The following TMED3 variants were observed in gnomAD, a reference collection of about 807,000 sequenced individuals.
TMED3 encodes transmembrane emp24 domain-containing protein 3.
A neutral mutation model predicts 15.0 loss-of-function variants in TMED3; 9 were observed. That is an observed-to-expected ratio of 0.60 (90% CI 0.36 to 1.04). The LOEUF (loss-of-function observed/expected upper bound fraction) is 1.04, where lower values mean the gene tolerates loss of function less well. TMED3 is among the 50% of genes least tolerant of loss of function. The pLI, the probability that TMED3 is intolerant of heterozygous loss-of-function variation, is 0.01. For synonymous variants in TMED3, 117 were observed against 121.4 expected, an observed-to-expected ratio of 0.96 and a Z score of 0.24; for missense variants, 267 against 278.9, an observed-to-expected ratio of 0.96 and a Z score of 0.30.
At chr15:79,399,420 G>T (rs1893805819) in intron 2 of TMED3, among the ~76,000 whole-genome samples, 2 of 152,138 alleles carry the variant, frequency 1.3e-5, no homozygotes, top group Non-Finnish European at 2.9e-5. Flanking sequence ...ATCATTGTTT[G>T]TGTGAGTCCA....
chr15:79,337,681 C>T (rs557208573), intron 2 of TMED3, among the ~76,000 whole-genome samples: 2 of 152,322 alleles, frequency 1.3e-5, no homozygotes, highest in East Asian at 3.9e-4. Flanking sequence ...TCAGCAGGAA[C>T]GTGCACAGAA....
At chr15:79,324,757 C>T (rs890125098), downstream of TMED3, among the ~76,000 whole-genome samples, 15 of 152,114 alleles carry the variant, frequency 9.9e-5, no homozygotes, top group Non-Finnish European at 1.0e-4. Flanking sequence ...TGGAGAGACT[C>T]GTTGACATCT....
chr15:79,316,213 C>T (rs2058739763), intron 2 of TMED3, among the ~76,000 whole-genome samples: 1 of 152,192 alleles, frequency 6.6e-6, no homozygotes, highest in African/African-American at 2.4e-5. Flanking sequence ...TCCATAGTGA[C>T]CAGGGCCCAG....
At chr15:79,397,766 T>G (rs1299219114) in intron 2 of TMED3, among the ~76,000 whole-genome samples, 1 of 152,214 alleles carries the variant, frequency 6.6e-6, no homozygotes, top group Non-Finnish European at 1.5e-5. Flanking sequence ...AGAGGCAGCA[T>G]TAAGAGTTCT....
At chr15:79,318,566 A>G (rs2058750798) in intron 2 of TMED3, among the ~76,000 whole-genome samples, 1 of 152,206 alleles carries the variant, frequency 6.6e-6, no homozygotes, top group African/African-American at 2.4e-5. Flanking sequence ...TTGTGTTACC[A>G]AGTCTGCCTG....
intron 2 of TMED3, among the ~76,000 whole-genome samples, chr15:79,334,760 A>G (rs192556149): frequency 6.6e-6 from 1 of 152,254 alleles, no homozygotes; most frequent in Non-Finnish European, 1.5e-5. Flanking sequence ...CAAACAGTGC[A>G]CACATTTTTT....
At chr15:79,391,902 C>T (rs1032027794) in intron 2 of TMED3, among the ~76,000 whole-genome samples, 1 of 151,986 alleles carries the variant, frequency 6.6e-6, no homozygotes, top group African/African-American at 2.4e-5. Context: ...GAATTGCTAC[C>T]CCTGCTTACT....
intron 2 of TMED3, among the ~76,000 whole-genome samples, chr15:79,348,023 A>G (rs2058877586): frequency 6.6e-6 from 1 of 152,236 alleles, no homozygotes; most frequent in African/African-American, 2.4e-5. Context: ...ATGCCCAGTC[A>G]TAGATTGCTT....
chr15:79,409,133 G>A (rs1893938447), intron 2 of TMED3, among the ~76,000 whole-genome samples: 1 of 152,182 alleles, frequency 6.6e-6, no homozygotes, highest in Admixed American at 6.5e-5. Context: ...TTTAATGCCT[G>A]GCAACACATT....
At chr15:79,394,127 C>T (rs1893733671) in intron 2 of TMED3, among the ~76,000 whole-genome samples, 1 of 152,010 alleles carries the variant, frequency 6.6e-6, no homozygotes, top group Non-Finnish European at 1.5e-5. Context: ...TGAAGAGGGT[C>T]TGCATAGTTG....
At chr15:79,326,474 C>T (rs2058788025), downstream of TMED3, among the ~76,000 whole-genome samples, 1 of 152,212 alleles carries the variant, frequency 6.6e-6, no homozygotes, top group African/African-American at 2.4e-5. Flanking sequence ...TATAAGGACT[C>T]ATCCCTTGGC....
At position 79,354,016 on chromosome 15, in the gene TMED3, C is replaced by G. The variant is rs114457791; in HGVS notation, c.417+40011C>G. On this transcript the variant is annotated intron_variant, in intron 2 of 2. Coordinates refer to the TMED3 transcript ENST00000424155. Reference sequence around the variant, plus strand: ...GGACTGAAATGCAACAGATTGTGGACTGAACCCTTCATTGCCCTCACACAA... The same window carrying G: ...GGACTGAAATGCAACAGATTGTGGAGTGAACCCTTCATTGCCCTCACACAA... 5.5e-3 allele frequency among the ~76,000 whole-genome samples: 843 copies of G among 152,266 alleles called. 8 individuals carry two copies. The highest frequency in any genetic ancestry group is 0.02 in the African/African-American group (816 of 41,534).
intron 2 of TMED3, among the ~76,000 whole-genome samples, chr15:79,372,400 C>T (rs887016200): frequency 1.3e-5 from 2 of 152,098 alleles, no homozygotes; most frequent in African/African-American, 4.8e-5. Flanking sequence ...TGAGACTTCT[C>T]CTCTCCTCTC....
chr15:79,352,714 C>G (rs2058896146), intron 2 of TMED3, among the ~76,000 whole-genome samples: 1 of 141,966 alleles, frequency 7.0e-6, no homozygotes, highest in Non-Finnish European at 1.5e-5. Context: ...ATATATTTCA[C>G]CCAACCTTTT....
downstream of TMED3, among the ~76,000 whole-genome samples, chr15:79,326,096 GTTTTA>G (rs1292490995): frequency 6.6e-6 from 1 of 152,092 alleles, no homozygotes; most frequent in Non-Finnish European, 1.5e-5. Context: ...CACGTTAGAG[GTTTTA>G]TTTTATGTAC....
intron 2 of TMED3, among the ~76,000 whole-genome samples, chr15:79,395,682 ATTAAAT>A (rs1269449358): frequency 1.3e-5 from 2 of 152,210 alleles, no homozygotes; most frequent in Non-Finnish European, 2.9e-5. Context: ...GAGATGTTTA[ATTAAAT>A]TTACCAACAT....
chr15:79,383,697 C>A (rs1893578807), intron 2 of TMED3: 1 of 152,294 alleles, frequency 6.6e-6, no homozygotes, highest in Admixed American at 6.5e-5. Context: ...GGCTAGCCAC[C>A]ATACGACTGA....
Position 79,408,272 on chromosome 15 carries a change from A to G in TMED3, c.418-3128A>G, listed in dbSNP as rs559178432. ...CAGGCCCTGCTTAGAGGGCTGGAAC[A>G]CCCAGTTCCCTTTGCCAGGCTAGGT... On this transcript the variant is annotated intron_variant, in intron 2 of 2. Coordinates refer to the TMED3 transcript ENST00000424155. Among the ~76,000 whole-genome samples, 12 of 152,286 alleles carry G rather than the reference A, an allele frequency of 7.9e-5. No homozygotes were observed. The South Asian group carries it at 2.5e-3, about 32-fold the overall frequency.
At chr15:79,313,634 G>A in intron 1 of TMED3, 123 bp from the exon 2 acceptor site, 1 of 1,328,972 alleles carries the variant, frequency 7.5e-7, no homozygotes, top group Non-Finnish European at 1.0e-6. Context: ...CGTAGCACCT[G>A]CCTTAGAAAG....
Sources: allele counts gnomAD v4.1 joint callset (sites outside exome capture counted in the v4.1 genomes callset), GRCh38; gene constraint gnomAD v4.1.1; transcripts MANE v1.5; gene names NCBI Gene and HGNC (gene_info 2026-07-23, HGNC 2026-07-21).